The following RASGRF2 variants were observed in gnomAD, a reference collection of about 807,000 sequenced individuals.
RASGRF2 encodes the protein ras-specific guanine nucleotide-releasing factor 2.
In RASGRF2, 76 loss-of-function variants were observed where a neutral mutation model predicts 151.0. That is an observed-to-expected ratio of 0.50 (90% CI 0.42 to 0.61). The LOEUF is 0.61. Among genes scored for constraint, RASGRF2 ranks in the 20% least tolerant of loss-of-function variants. The pLI is 0.00. For synonymous variants in RASGRF2, 504 were observed against 566.5 expected (o/e 0.89, Z 1.57); for missense variants, 1,148 against 1,564.6 (o/e 0.73, Z 4.49).
At chr5:81,035,053 G>T (rs530087180) in intron 1 of RASGRF2, among the ~76,000 whole-genome samples, 3 of 152,104 alleles carry the variant, frequency 2.0e-5, no homozygotes, top group Non-Finnish European at 4.4e-5. Flanking sequence ...AACTATTGTG[G>T]TGATTCCTCA....
intron 5 of RASGRF2, among the ~76,000 whole-genome samples, chr5:81,076,207 G>T (rs1411184690): frequency 6.6e-6 from 1 of 152,152 alleles, no homozygotes; most frequent in Non-Finnish European, 1.5e-5. Context: ...AAAAGGGTGG[G>T]TATAGAAAAT....
chr5:81,133,633 T>G (rs1214499739), intron 17 of RASGRF2, among the ~76,000 whole-genome samples: 1 of 152,194 alleles, frequency 6.6e-6, no homozygotes, highest in Non-Finnish European at 1.5e-5. Context: ...GTTATTTTTA[T>G]GAGAGTAGAA....
intron 2 of RASGRF2, among the ~76,000 whole-genome samples, chr5:81,055,606 C>T (rs1751176620): frequency 6.6e-6 from 1 of 152,116 alleles, no homozygotes; most frequent in Non-Finnish European, 1.5e-5. Flanking sequence ...GTGTGTGTGT[C>T]TCTGCCAGGC....
At position 80,961,029 on chromosome 5, in the gene RASGRF2, A is replaced by G. The variant is rs1747533346; in HGVS notation, c.288+3A>G. On this transcript the variant is annotated splice_donor_region_variant and intron_variant, in intron 1 of 26. Coordinates refer to ENST00000265080, the MANE Select transcript of RASGRF2 (RefSeq NM_006909.3). ...TCCGAGACGCGCTGGACAAGCAGGT[A>G]CCGCGCGCCTTCTCTCCGCGGTCTC... is the stretch of plus-strand genomic sequence containing the variant. 1 of 1,460,024 alleles carries G rather than the reference A, an allele frequency of 6.8e-7. No homozygotes were observed. The highest frequency in any genetic ancestry group is 9.1e-7 in the Non-Finnish European group (1 of 1,100,406). 90.4% of individuals were successfully genotyped at this position (1,460,024 alleles called of 1,614,324 possible).
chr5:81,041,692 C>T (rs1332301296), intron 1 of RASGRF2, among the ~76,000 whole-genome samples: 9 of 152,138 alleles, frequency 5.9e-5, no homozygotes, highest in Admixed American at 5.9e-4. Context: ...CCTGAGAAGC[C>T]ATTTACAAAT....
chr5:81,127,943 A>AAAAAG (rs1561221251), intron 17 of RASGRF2, among the ~76,000 whole-genome samples: 3 of 150,976 alleles, frequency 2.0e-5, no homozygotes, highest in East Asian at 1.9e-4. Context: ...AAAAAAAAAA[A>AAAAAG]AAAAGAAAAG....
intron 16 of RASGRF2, 53 bp downstream of exon 16, chr5:81,123,820 T>G: frequency 6.5e-7 from 1 of 1,539,466 alleles, no homozygotes; most frequent in Non-Finnish European, 8.8e-7. Context: ...GATTTCTAGC[T>G]TCTGAACCTT....
chr5:81,223,166 T>C (rs1755889935), intron 26 of RASGRF2: 1 of 152,350 alleles, frequency 6.6e-6, no homozygotes, highest in East Asian at 1.9e-4. Flanking sequence ...AATTAATCTA[T>C]AAATTCATTG....
At chr5:81,035,322 T>C (rs566066323) in intron 1 of RASGRF2, among the ~76,000 whole-genome samples, 90 of 152,290 alleles carry the variant, frequency 5.9e-4, no homozygotes, top group Admixed American at 1.8e-3. Context: ...GGGACATGGA[T>C]GAAGCTGGAA....
intron 15 of RASGRF2, among the ~76,000 whole-genome samples, chr5:81,123,391 G>A (rs566701866): frequency 6.6e-6 from 1 of 152,296 alleles, no homozygotes; most frequent in African/African-American, 2.4e-5. Context: ...TTTAACATCT[G>A]CTGCTGCATT....
intron 1 of RASGRF2, among the ~76,000 whole-genome samples, chr5:81,024,778 G>A (rs1749961328): frequency 6.6e-6 from 1 of 152,174 alleles, no homozygotes; most frequent in African/African-American, 2.4e-5. Context: ...TCTGTTCACT[G>A]TAATACAATA....
intron 2 of RASGRF2, among the ~76,000 whole-genome samples, chr5:81,064,194 G>T (rs952028849): frequency 6.6e-6 from 1 of 152,114 alleles, no homozygotes; most frequent in Admixed American, 6.6e-5. Context: ...GGCTAGGTTC[G>T]CTTCCTTACC....
At chr5:81,086,289 G>A (rs1217061100) in intron 8 of RASGRF2, among the ~76,000 whole-genome samples, 1 of 152,062 alleles carries the variant, frequency 6.6e-6, no homozygotes, top group Non-Finnish European at 1.5e-5. Context: ...AAGGGGTGAT[G>A]ATTATTTGAC....
chr5:81,215,352 C>A (rs1755713504), intron 23 of RASGRF2, among the ~76,000 whole-genome samples: 2 of 149,722 alleles, frequency 1.3e-5, no homozygotes, highest in African/African-American at 4.9e-5. Flanking sequence ...CTCACTGCAA[C>A]CTCCGCCTCC....
intron 25 of RASGRF2, among the ~76,000 whole-genome samples, chr5:81,219,232 C>T (rs1184332969): frequency 1.3e-5 from 2 of 152,092 alleles, no homozygotes; most frequent in Admixed American, 6.6e-5. Flanking sequence ...GCCCACGACA[C>T]CACACCTGGC....
chr5:81,029,868 A>G (rs964249280), intron 1 of RASGRF2, among the ~76,000 whole-genome samples: 1 of 152,238 alleles, frequency 6.6e-6, no homozygotes, highest in Admixed American at 6.5e-5. Context: ...CTAAAGGAGG[A>G]TGTTTGAACC....
chr5:80,998,967 T>C (rs1484085965), intron 1 of RASGRF2, among the ~76,000 whole-genome samples: 1 of 152,198 alleles, frequency 6.6e-6, no homozygotes, highest in African/African-American at 2.4e-5. Flanking sequence ...GGTAAAATAC[T>C]CTCTTGGTCC....
intron 1 of RASGRF2, among the ~76,000 whole-genome samples, chr5:81,035,255 A>G (rs1750441383): frequency 6.6e-6 from 1 of 152,198 alleles, no homozygotes; most frequent in Non-Finnish European, 1.5e-5. Flanking sequence ...AATGTGGCAC[A>G]TATATACCAT....
intron 1 of RASGRF2, among the ~76,000 whole-genome samples, chr5:81,001,528 C>T (rs886977601): frequency 1.3e-5 from 2 of 152,144 alleles, no homozygotes; most frequent in Non-Finnish European, 2.9e-5. Flanking sequence ...CCCTTGGGAA[C>T]ATGAAGATGC....
Sources: allele counts gnomAD v4.1 joint callset (sites outside exome capture counted in the v4.1 genomes callset), GRCh38; gene constraint gnomAD v4.1.1; transcripts MANE v1.5; gene names NCBI Gene and HGNC (gene_info 2026-07-23, HGNC 2026-07-21).